The following PMF1 variants were observed in gnomAD, a reference collection of about 807,000 sequenced individuals.
PMF1 encodes polyamine modulated factor 1.
A neutral mutation model predicts 26.7 loss-of-function variants in PMF1; 21 were observed. That is an observed-to-expected ratio of 0.79 (90% CI 0.56 to 1.13). The LOEUF is 1.13. Among genes scored for constraint, PMF1 ranks in the 50% most tolerant of loss-of-function variants. PMF1 has a pLI of 0.00. For synonymous variants in PMF1, 105 were observed against 101.0 expected (o/e 1.04, Z -0.24); for missense variants, 266 against 254.9 (o/e 1.04, Z -0.30).
At chr1:156,236,085 A>G (rs1171517920) in intron 3 of PMF1, among the ~76,000 whole-genome samples, 2 of 152,208 alleles carry the variant, frequency 1.3e-5, no homozygotes, top group African/African-American at 4.8e-5. Flanking sequence ...TGGACCCCTA[A>G]GCATTGAAAC....
intron 1 of PMF1, among the ~76,000 whole-genome samples, chr1:156,222,883 G>A (rs1030180127): frequency 1.3e-5 from 2 of 152,202 alleles, no homozygotes; most frequent in Non-Finnish European, 2.9e-5. Flanking sequence ...GGGATATGCC[G>A]CACAGGGTAA....
chr1:156,239,633 T>TC lies in PMF1; in HGVS notation c.*33dup, dbSNP rs1378943084. 6.3e-7 allele frequency: 1 copy of TC among 1,594,994 alleles called. No homozygotes were observed. Among genetic ancestry groups the TC allele is most frequent in the Non-Finnish European group, 8.6e-7 (1 of 1,164,652 alleles). ...CGCCAGCCCCAGAAGCAGAGGGCAGTCAAGGTCAAGAGCCTGTGGTCCAGC... is the reference window on the plus strand; with the variant it reads ...CGCCAGCCCCAGAAGCAGAGGGCAGTCCAAGGTCAAGAGCCTGTGGTCCAGC... On this transcript the variant is annotated 3_prime_UTR_variant, in exon 5 of 5. Transcript: ENST00000368277.
intron 1 of PMF1, among the ~76,000 whole-genome samples, chr1:156,217,022 G>A (rs1438898528): frequency 6.6e-6 from 1 of 150,806 alleles, no homozygotes; most frequent in African/African-American, 2.5e-5. Flanking sequence ...TCATAGGTGG[G>A]AATTGAACAA....
chr1:156,235,196 C>G (rs1282887087), intron 3 of PMF1, among the ~76,000 whole-genome samples: 2 of 151,632 alleles, frequency 1.3e-5, no homozygotes, highest in East Asian at 3.9e-4. Flanking sequence ...GCGATCTCAG[C>G]TCACTGCAAC....
chr1:156,217,716 AG>A (rs746755016), intron 1 of PMF1, among the ~76,000 whole-genome samples: 1 of 148,730 alleles, frequency 6.7e-6, no homozygotes, highest in Non-Finnish European at 1.5e-5. Flanking sequence ...CAACAGAGCT[AG>A]TCTCCAACTC....
chr1:156,238,360 C>T (rs1659157313), intron 4 of PMF1, among the ~76,000 whole-genome samples: 1 of 152,166 alleles, frequency 6.6e-6, no homozygotes. Flanking sequence ...CCTTTGAGGG[C>T]GAACTTAACT....
intron 3 of PMF1, among the ~76,000 whole-genome samples, chr1:156,234,882 A>G (rs1037084504): frequency 1.3e-5 from 2 of 151,980 alleles, no homozygotes; most frequent in Non-Finnish European, 1.5e-5. Context: ...TGGAGCTGAC[A>G]TTTCAGCAGC....
At chr1:156,232,575 G>T in intron 2 of PMF1, 150 bp downstream of exon 2, 1 of 643,892 alleles carries the variant, frequency 1.6e-6, no homozygotes, top group Non-Finnish European at 2.7e-6. Flanking sequence ...AGCATCCATC[G>T]TCACTCCCCT....
intron 1 of PMF1, chr1:156,225,636 T>C (rs1245420641): frequency 1.9e-6 from 3 of 1,562,440 alleles, no homozygotes; most frequent in Non-Finnish European, 2.6e-6. Context: ...GGCCTTCAGT[T>C]GGGCGGCGTG....
chr1:156,218,824 GT>G (rs921613138), intron 1 of PMF1, among the ~76,000 whole-genome samples: 21 of 150,626 alleles, frequency 1.4e-4, no homozygotes, highest in African/African-American at 2.9e-4. Context: ...TGCCTAATCC[GT>G]TTTTTTTTAA....
At chr1:156,238,114 G>A (rs1404731831) in intron 4 of PMF1, among the ~76,000 whole-genome samples, 2 of 152,146 alleles carry the variant, frequency 1.3e-5, no homozygotes, top group African/African-American at 2.4e-5. Context: ...TTCTGAGTCT[G>A]TATTCTGTTA....
chr1:156,233,579 C>T, intron 2 of PMF1, 49 bp from the exon 3 acceptor site: 1 of 1,585,340 alleles, frequency 6.3e-7, no homozygotes, highest in Non-Finnish European at 8.6e-7. Flanking sequence ...CATATTTTTG[C>T]CATGAGCTCA....
chr1:156,237,344 C>T (rs1659078086), intron 4 of PMF1: 1 of 152,170 alleles, frequency 6.6e-6, no homozygotes, highest in South Asian at 2.1e-4. Context: ...TACCTCTCTT[C>T]ATCCTCCACC....
chr1:156,225,544 G>C, intron 1 of PMF1: 1 of 1,478,952 alleles, frequency 6.8e-7, no homozygotes, highest in South Asian at 1.2e-5. Context: ...CAGCCTGTTT[G>C]TTTTGTTCTC....
At chr1:156,216,448 G>A (rs1572477115) in intron 1 of PMF1, among the ~76,000 whole-genome samples, 2 of 152,270 alleles carry the variant, frequency 1.3e-5, no homozygotes, top group South Asian at 4.1e-4. Flanking sequence ...CAGCTGACAC[G>A]CTGTCCTCTG....
chr1:156,231,801 ACT>A (rs1364905544), intron 1 of PMF1, among the ~76,000 whole-genome samples: 1 of 152,144 alleles, frequency 6.6e-6, no homozygotes, highest in African/African-American at 2.4e-5. Context: ...GTTGGTGTAA[ACT>A]CTGCCCTCAG....
chr1:156,213,234 G>C (rs374353246), intron 1 of PMF1, 58 bp downstream of exon 1: 1 of 1,595,124 alleles, frequency 6.3e-7, no homozygotes, highest in Admixed American at 1.7e-5. Context: ...CAAATCCCGC[G>C]AGGTCAGGAC....
At chr1:156,238,448 G>A (rs1659163403) in intron 4 of PMF1, among the ~76,000 whole-genome samples, 1 of 152,230 alleles carries the variant, frequency 6.6e-6, no homozygotes, top group Non-Finnish European at 1.5e-5. Flanking sequence ...GAATGACACA[G>A]TAGCAGCTTG....
chr1:156,239,710 C>A lies in PMF1; in HGVS notation c.*109C>A. 2 of 853,018 alleles carry A rather than the reference C, an allele frequency of 2.3e-6. No individual in the cohort carries two copies. Among genetic ancestry groups the A allele is most frequent in the Non-Finnish European group, 3.9e-6 (2 of 511,486 alleles). The allele number at this position is 853,018 out of a possible 1,614,324, so 52.8% of individuals were successfully genotyped here. A position where few individuals can be genotyped will look rare whatever the true frequency, so the allele number is the denominator to read the frequency against. Reference sequence around the variant, plus strand: ...GAGAACGGCTGAAATGGTGCCCAGTCCATCAGCAGTGATGGAATTTGCTGG... The same window carrying A: ...GAGAACGGCTGAAATGGTGCCCAGTACATCAGCAGTGATGGAATTTGCTGG... On this transcript the variant is annotated 3_prime_UTR_variant, in exon 5 of 5. Coordinates refer to ENST00000368277, the MANE Select transcript of PMF1 (RefSeq NM_007221.4).
Sources: gnomAD v4.1 joint callset for allele counts (sites outside exome capture counted in the v4.1 genomes callset) on GRCh38, gnomAD v4.1.1 for gene constraint, MANE v1.5 for transcripts, NCBI Gene and HGNC (gene_info 2026-07-23, HGNC 2026-07-21) for gene names.